Variants in MAP2K1 observed in about 807,000 individuals in gnomAD.
MAP2K1 encodes the protein mitogen-activated protein kinase kinase 1, also known as dual specificity mitogen-activated protein kinase kinase 1.
MAP2K1 carries 16 observed loss-of-function variants against 46.3 expected under a neutral mutation model. The observed-to-expected ratio is 0.35, with a 90% CI of 0.23 to 0.52. The LOEUF is 0.52. Ranked by LOEUF, MAP2K1 falls within the 20% of genes least tolerant of loss-of-function variation. MAP2K1 has a pLI of 0.94. For synonymous variants in MAP2K1, 183 were observed against 185.6 expected (o/e 0.99, Z 0.11); for missense variants, 263 against 497.1 (o/e 0.53, Z 4.48).
intron 5 of MAP2K1, among the ~76,000 whole-genome samples, chr15:66,448,640 C>T (rs1038618734): frequency 2.6e-5 from 4 of 152,162 alleles, no homozygotes; most frequent in African/African-American, 9.7e-5. Flanking sequence ...CAGCTTATAG[C>T]TTGTACATAT....
intron 5 of MAP2K1, chr15:66,445,018 T>C (rs1445806798): frequency 2.6e-6 from 1 of 387,894 alleles, no homozygotes; most frequent in Non-Finnish European, 4.8e-6. Flanking sequence ...CAGTGAACAG[T>C]GCATGTGCAT....
At chr15:66,426,373 A>AAAC (rs1555415241) in intron 1 of MAP2K1, among the ~76,000 whole-genome samples, 5 of 151,674 alleles carry the variant, frequency 3.3e-5, no homozygotes, top group African/African-American at 1.2e-4. Context: ...AAAAAAAAAA[A>AAAC]ACCTTTATAA....
chr15:66,404,045 G>A (rs2093389439), intron 1 of MAP2K1, among the ~76,000 whole-genome samples: 1 of 152,130 alleles, frequency 6.6e-6, no homozygotes, highest in South Asian at 2.1e-4. Flanking sequence ...GAGTCTTTAG[G>A]ATGGTGGGAA....
chr15:66,439,691 A>C (rs1388761569), intron 3 of MAP2K1, among the ~76,000 whole-genome samples: 1 of 152,094 alleles, frequency 6.6e-6, no homozygotes, highest in Admixed American at 6.6e-5. Flanking sequence ...ACTTCAACCC[A>C]GAAGGTGGAG....
chr15:66,386,953 G>T lies in MAP2K1; in HGVS notation c.-395G>T, dbSNP rs1325892335. 1 of 256,620 alleles carries T rather than the reference G, an allele frequency of 3.9e-6. No homozygotes were observed. The highest frequency in any genetic ancestry group is 2.2e-5 in the African/African-American group (1 of 46,014). 15.9% of individuals were successfully genotyped at this position (256,620 alleles called of 1,614,324 possible). A position where few individuals can be genotyped will look rare whatever the true frequency, so the allele number is the denominator to read the frequency against. On this transcript the variant is annotated 5_prime_UTR_variant, in exon 1 of 11. Transcript: ENST00000307102. ...GCTTCGCAGAGCGGCTAGGAGCACGGCGGCGGCGGCACTTTCCCCGGCAGG... is the reference window on the plus strand; with the variant it reads ...GCTTCGCAGAGCGGCTAGGAGCACGTCGGCGGCGGCACTTTCCCCGGCAGG...
chr15:66,409,817 G>A (rs928471301), intron 1 of MAP2K1, among the ~76,000 whole-genome samples: 2 of 152,128 alleles, frequency 1.3e-5, no homozygotes, highest in Non-Finnish European at 2.9e-5. Flanking sequence ...TGCTAAGCAG[G>A]CTATTTCTGG....
intron 1 of MAP2K1, among the ~76,000 whole-genome samples, chr15:66,413,052 C>T (rs1022381955): frequency 1.3e-5 from 2 of 152,068 alleles, no homozygotes; most frequent in African/African-American, 4.8e-5. Context: ...CTCGCCACCA[C>T]GCCCAGCTAA....
At chr15:66,471,715 T>C (rs1400191758) in intron 5 of MAP2K1, among the ~76,000 whole-genome samples, 1 of 152,146 alleles carries the variant, frequency 6.6e-6, no homozygotes, top group African/African-American at 2.4e-5. Context: ...ACAGCTGGCC[T>C]GATGGATAAT....
At chr15:66,481,507 G>A (rs1028154175) in intron 5 of MAP2K1, among the ~76,000 whole-genome samples, 1 of 152,162 alleles carries the variant, frequency 6.6e-6, no homozygotes, top group Non-Finnish European at 1.5e-5. Context: ...CTTAGAGAGT[G>A]GAAATCGACT....
intron 5 of MAP2K1, among the ~76,000 whole-genome samples, chr15:66,447,702 G>A (rs1301132674): frequency 3.6e-5 from 4 of 110,118 alleles, no homozygotes; most frequent in Admixed American, 9.3e-5. Context: ...AAAAAAAAAA[G>A]TTTAATTGTA....
At chr15:66,436,063 G>A (rs2093487290) in intron 2 of MAP2K1, among the ~76,000 whole-genome samples, 1 of 152,086 alleles carries the variant, frequency 6.6e-6, no homozygotes, top group East Asian at 1.9e-4. Context: ...TCACTCCTGT[G>A]CCCATAATTT....
rs1188803242 is a variant in MAP2K1 at position 66,444,676 on chromosome 15, T to C, written c.537T>C (p.Tyr179=). 6 of 1,612,770 alleles carry C rather than the reference T, an allele frequency of 3.7e-6. No homozygotes were observed. The highest frequency in any genetic ancestry group is 1.3e-5 in the African/African-American group (1 of 75,036). ...TCTAGGTAATAAAAGGCCTGACATA[T>C]CTGAGGGAGAAGCACAAGATCATGC... ...VSIAVIKGLT[Y]LREKHKIMHR... The change falls in exon 5 of 11, where the codon TAT becomes TAC. Residue 179 remains tyrosine, a synonymous_variant. Coordinates refer to ENST00000307102, the MANE Select transcript of MAP2K1 (RefSeq NM_002755.4).
chr15:66,477,843 C>A (rs1435616817), intron 5 of MAP2K1, among the ~76,000 whole-genome samples: 2 of 152,146 alleles, frequency 1.3e-5, no homozygotes, highest in Non-Finnish European at 2.9e-5. Context: ...CAGGCGCTGT[C>A]ACACCCCTTA....
At chr15:66,388,971 A>G (rs1479897267) in intron 1 of MAP2K1, among the ~76,000 whole-genome samples, 17 of 132,646 alleles carry the variant, frequency 1.3e-4, no homozygotes, top group African/African-American at 4.2e-4. Flanking sequence ...CAATGGTGCG[A>G]TCTTGGCTAA....
intron 5 of MAP2K1, among the ~76,000 whole-genome samples, chr15:66,457,143 G>T (rs962919619): frequency 1.3e-5 from 2 of 152,124 alleles, no homozygotes; most frequent in African/African-American, 4.8e-5. Context: ...TTTTGAGACC[G>T]AGTCTCGCTC....
chr15:66,428,277 T>C (rs1361975435), intron 1 of MAP2K1, among the ~76,000 whole-genome samples: 15 of 12,724 alleles, frequency 1.2e-3, no homozygotes, highest in South Asian at 0.01. Context: ...TGTGCGTGTG[T>C]GTGTGTGTGT....
intron 1 of MAP2K1, among the ~76,000 whole-genome samples, chr15:66,388,904 C>CTTTTTTTTTT (rs72328500): frequency 9.8e-5 from 11 of 111,932 alleles, no homozygotes; most frequent in African/African-American, 2.7e-4. Context: ...AACATTTGTT[C>CTTTTTTTTTT]TTTTTTTTTT....
chr15:66,468,037 C>T (rs566911338), intron 5 of MAP2K1, among the ~76,000 whole-genome samples: 1 of 152,298 alleles, frequency 6.6e-6, no homozygotes, highest in South Asian at 2.1e-4. Context: ...ACTTTACCAA[C>T]AATTTTAAAG....
At chr15:66,456,367 CT>C (rs140143362) in intron 5 of MAP2K1, among the ~76,000 whole-genome samples, 1 of 152,280 alleles carries the variant, frequency 6.6e-6, no homozygotes, top group Non-Finnish European at 1.5e-5. Flanking sequence ...AGTCAGAATT[CT>C]TTGGTGTGGC....
Sources: allele counts gnomAD v4.1 joint callset (sites outside exome capture counted in the v4.1 genomes callset), GRCh38; gene constraint gnomAD v4.1.1; transcripts MANE v1.5; gene names NCBI Gene and HGNC (gene_info 2026-07-23, HGNC 2026-07-21).